Variants in NRIP3 observed in about 807,000 individuals in gnomAD.
NRIP3 encodes nuclear receptor interacting protein 3, also known as nuclear receptor-interacting protein 3.
NRIP3 carries 31 observed loss-of-function variants against 29.0 expected under a neutral mutation model. The observed-to-expected ratio is 1.07, with a 90% CI of 0.80 to 1.44. The LOEUF (loss-of-function observed/expected upper bound fraction) is 1.44. Among genes scored for constraint, NRIP3 ranks in the 40% most tolerant of loss-of-function variants. The pLI is 0.00. For missense variants in NRIP3, 314 were observed against 297.9 expected (o/e 1.05, Z -0.40); for synonymous variants, 131 against 118.3 (o/e 1.11, Z -0.70).
At chr11:8,996,660 T>C (rs1024668195) in intron 1 of NRIP3, among the ~76,000 whole-genome samples, 1 of 152,260 alleles carries the variant, frequency 6.6e-6, no homozygotes, top group Non-Finnish European at 1.5e-5. Flanking sequence ...GAATTTCTAC[T>C]ATTTGTATCC....
chr11:9,003,974 G>C lies in NRIP3; in HGVS notation c.-39C>G, dbSNP rs566216923. On this transcript the variant is annotated 5_prime_UTR_variant, in exon 1 of 7. Transcript: ENST00000309166. Reference sequence around the variant, plus strand: ...GCGGCCCGGTAGCCCACAGCCCCCCGGCAGCCTCAGCCTCGAGCTCCTCCA... The same window carrying C: ...GCGGCCCGGTAGCCCACAGCCCCCCCGCAGCCTCAGCCTCGAGCTCCTCCA... 4.8e-6 allele frequency: 7 copies of C among 1,457,618 alleles called. No homozygotes were observed. The highest frequency in any genetic ancestry group is 3.0e-5 in the East Asian group (1 of 32,866). The allele number at this position is 1,457,618 out of a possible 1,614,324, so 90.3% of individuals were successfully genotyped here.
chr11:8,997,415 T>C (rs1007510788), intron 1 of NRIP3, among the ~76,000 whole-genome samples: 1 of 150,502 alleles, frequency 6.6e-6, no homozygotes, highest in Non-Finnish European at 1.5e-5. Flanking sequence ...ATTTGCTAGA[T>C]GGATGCTGCA....
intron 1 of NRIP3, among the ~76,000 whole-genome samples, chr11:8,994,893 T>A (rs954748960): frequency 4.6e-5 from 7 of 152,258 alleles, no homozygotes; most frequent in Admixed American, 1.3e-4. Context: ...ACTACCTTTA[T>A]GATGATGACT....
chr11:8,996,923 T>A (rs1854717501), intron 1 of NRIP3, among the ~76,000 whole-genome samples: 1 of 152,072 alleles, frequency 6.6e-6, no homozygotes, highest in South Asian at 2.1e-4. Flanking sequence ...TTTTAAAAAT[T>A]TAAAAATTAG....
chr11:8,983,670 G>A (rs1014959338), intron 6 of NRIP3, 110 bp from the exon 7 acceptor site: 1 of 1,039,792 alleles, frequency 9.6e-7, no homozygotes, highest in Non-Finnish European at 1.5e-6. Context: ...ACCACTCTGT[G>A]TGGCATCACC....
intron 4 of NRIP3, among the ~76,000 whole-genome samples, chr11:8,985,329 C>G (rs927859399): frequency 2.0e-5 from 3 of 151,912 alleles, no homozygotes; most frequent in African/African-American, 7.3e-5. Context: ...ACCACCACGC[C>G]TGGCTAATTT....
At chr11:8,985,256 G>A (rs542290605) in intron 4 of NRIP3, among the ~76,000 whole-genome samples, 14 of 142,964 alleles carry the variant, frequency 9.8e-5, no homozygotes, top group African/African-American at 3.1e-4. Flanking sequence ...TGCAAGCTCC[G>A]CCTCCCAGGT....
At chr11:8,995,389 C>A (rs1854684234) in intron 1 of NRIP3, among the ~76,000 whole-genome samples, 1 of 152,234 alleles carries the variant, frequency 6.6e-6, no homozygotes, top group Non-Finnish European at 1.5e-5. Context: ...GAGGTTTGAA[C>A]TCCAAAGACT....
chr11:9,004,354 C>A (rs1258323640), upstream of NRIP3: 1 of 155,988 alleles, frequency 6.4e-6, no homozygotes, highest in Non-Finnish European at 1.4e-5. Flanking sequence ...CTCACCTGTC[C>A]ACGCCGTGGC....
chr11:8,992,891 G>A (rs1241753350), intron 1 of NRIP3, among the ~76,000 whole-genome samples: 2 of 150,372 alleles, frequency 1.3e-5, no homozygotes, highest in African/African-American at 2.5e-5. Context: ...CAGCCTGGGT[G>A]ACACAGCGAG....
intron 1 of NRIP3, among the ~76,000 whole-genome samples, chr11:8,997,825 A>G (rs1854735013): frequency 6.6e-6 from 1 of 152,186 alleles, no homozygotes; most frequent in Admixed American, 6.5e-5. Flanking sequence ...CCACTCTCTC[A>G]ATCCCTTTAC....
chr11:8,985,774 G>A lies in NRIP3; in HGVS notation c.499C>T (p.Gln167Ter), dbSNP rs1854511361. Residue 167 changes from glutamine to a stop codon, truncating the protein, a stop_gained, in exon 4 of 7, where the codon CAG becomes TAG. Transcript: ENST00000309166. LOFTEE classifies it high-confidence loss of function. ...SLPRHLKVVG[Q>*]IEHLVITLGS... ...AGTGTGATCACTAGGTGCTCAATCT[G>A]GCCCACTACTTTGAGATGCCGGGGT... 3 of 1,614,094 alleles carry A rather than the reference G, an allele frequency of 1.9e-6. No individual in the cohort carries two copies. Among genetic ancestry groups the A allele is most frequent in the East Asian group, 2.2e-5 (1 of 44,878 alleles).
chr11:8,987,230 AT>A (rs1156508160), intron 3 of NRIP3, among the ~76,000 whole-genome samples: 1 of 152,130 alleles, frequency 6.6e-6, no homozygotes, highest in Admixed American at 6.5e-5. Context: ...TTAATTTGCT[AT>A]CTAGTGGATC....
At chr11:8,997,279 G>T (rs1295141877) in intron 1 of NRIP3, among the ~76,000 whole-genome samples, 3 of 127,842 alleles carry the variant, frequency 2.3e-5, no homozygotes, top group Non-Finnish European at 5.1e-5. Context: ...GGAGGCTGAG[G>T]CAGGAGAATC....
At chr11:9,000,102 T>C (rs886984140) in intron 1 of NRIP3, among the ~76,000 whole-genome samples, 2 of 152,210 alleles carry the variant, frequency 1.3e-5, no homozygotes, top group East Asian at 1.9e-4. Flanking sequence ...AATATTTGTA[T>C]ATTAAATTAA....
intron 1 of NRIP3, among the ~76,000 whole-genome samples, chr11:8,991,373 T>C (rs1205666493): frequency 6.6e-6 from 1 of 152,208 alleles, no homozygotes; most frequent in East Asian, 1.9e-4. Flanking sequence ...AAAGTACTCA[T>C]AATATAGTTC....
intron 1 of NRIP3, among the ~76,000 whole-genome samples, chr11:8,988,863 G>A (rs1160044516): frequency 1.3e-5 from 2 of 152,204 alleles, no homozygotes; most frequent in Non-Finnish European, 2.9e-5. Context: ...GGTGGATAGG[G>A]TGAAAAGACA....
intron 3 of NRIP3, 136 bp downstream of exon 3, chr11:8,987,412 G>C: frequency 1.4e-6 from 1 of 703,078 alleles, no homozygotes; most frequent in Non-Finnish European, 2.6e-6. Flanking sequence ...AAGGATTCTG[G>C]TTCCAGCTGA....
intron 1 of NRIP3, among the ~76,000 whole-genome samples, chr11:8,994,830 GTC>G (rs1275339355): frequency 1.3e-5 from 2 of 152,050 alleles, no homozygotes; most frequent in Non-Finnish European, 2.9e-5. Flanking sequence ...TTGGTCCTTT[GTC>G]ACTCTACATA....
Sources: gnomAD v4.1 joint callset for allele counts (sites outside exome capture counted in the v4.1 genomes callset) on GRCh38, gnomAD v4.1.1 for gene constraint, MANE v1.5 for transcripts, NCBI Gene and HGNC (gene_info 2026-07-23, HGNC 2026-07-21) for gene names.